The following MYT1L variants were observed in gnomAD, a reference collection of about 807,000 sequenced individuals.
MYT1L encodes myelin transcription factor 1-like protein.
A neutral mutation model predicts 126.7 loss-of-function variants in MYT1L; 12 were observed. The ratio of observed to expected loss-of-function variants is 0.09; its 90% CI spans 0.06 to 0.15. The LOEUF is 0.15. Ranked by LOEUF, MYT1L falls within the 10% of genes least tolerant of loss-of-function variation. The pLI is 1.00. For synonymous variants in MYT1L, 541 were observed against 604.2 expected, an observed-to-expected ratio of 0.90 and a Z score of 1.53; for missense variants, 979 against 1,585.2, an observed-to-expected ratio of 0.62 and a Z score of 6.49.
intron 2 of MYT1L, among the ~76,000 whole-genome samples, chr2:2,277,250 G>A (rs549061182): frequency 2.6e-5 from 4 of 152,124 alleles, no homozygotes; most frequent in Admixed American, 6.5e-5. Flanking sequence ...GATTACAGGC[G>A]TGAGCCACCT....
chr2:1,901,902 C>T (rs956273929), intron 14 of MYT1L, among the ~76,000 whole-genome samples: 5 of 152,150 alleles, frequency 3.3e-5, no homozygotes, highest in Non-Finnish European at 5.9e-5. Context: ...CCAAGTGATC[C>T]GCCTGCCTCA....
chr2:2,327,428 C>A (rs1452311754), intron 1 of MYT1L, among the ~76,000 whole-genome samples: 5 of 152,102 alleles, frequency 3.3e-5, no homozygotes, highest in Non-Finnish European at 1.5e-5. Flanking sequence ...AGTTTATCCT[C>A]AGTTACTCCT....
At chr2:2,139,476 T>C (rs942166874) in intron 3 of MYT1L, among the ~76,000 whole-genome samples, 1 of 151,346 alleles carries the variant, frequency 6.6e-6, no homozygotes, top group East Asian at 1.9e-4. Context: ...AATATATGTA[T>C]ATATATACAA....
At chr2:2,264,811 C>A (rs2095080911) in intron 2 of MYT1L, among the ~76,000 whole-genome samples, 2 of 152,270 alleles carry the variant, frequency 1.3e-5, no homozygotes, top group African/African-American at 4.8e-5. Flanking sequence ...AATTATGCAA[C>A]AGGAAAACCC....
Position 1,979,260 on chromosome 2 carries a change from G to A in MYT1L, c.90-33C>T, listed in dbSNP as rs143458520. 7.8e-5 allele frequency: 124 copies of A among 1,586,104 alleles called. No individual in the cohort carries two copies. Among genetic ancestry groups the A allele is most frequent in the African/African-American group, 6.4e-4 (48 of 74,448 alleles). The stretch of plus-strand genomic sequence containing the variant: ...AGGAAAGAATGGATTACACGGTGCC[G>A]CAGGCAGGCAGGTGAGACGGAAAGC... On this transcript the variant is annotated intron_variant, in intron 7 of 24. Coordinates refer to ENST00000647738, the MANE Select transcript of MYT1L (RefSeq NM_001303052.2). The surrounding 1 kb of genome is among the most constrained non-coding windows in gnomAD (Gnocchi z 4.0).
chr2:2,226,169 C>A (rs2094003245), intron 2 of MYT1L, among the ~76,000 whole-genome samples: 1 of 152,158 alleles, frequency 6.6e-6, no homozygotes, highest in African/African-American at 2.4e-5. Context: ...TTCAGGCTTG[C>A]TGCACCCCAA....
At chr2:1,810,273 G>A (rs2036393273) in intron 21 of MYT1L, among the ~76,000 whole-genome samples, 1 of 151,874 alleles carries the variant, frequency 6.6e-6, no homozygotes, top group African/African-American at 2.4e-5. Flanking sequence ...TATAGCCTCT[G>A]GGATTACAGG....
At chr2:2,111,286 C>T (rs1045242753) in intron 3 of MYT1L, among the ~76,000 whole-genome samples, 10 of 152,172 alleles carry the variant, frequency 6.6e-5, no homozygotes, top group Non-Finnish European at 1.3e-4. Context: ...TTGGCATCCC[C>T]GCCTGGTGTC....
intron 5 of MYT1L, among the ~76,000 whole-genome samples, chr2:1,991,402 G>A (rs13032073): frequency 0.032 from 4,841 of 152,130 alleles, 86 homozygotes; most frequent in Non-Finnish European, 0.042. Context: ...GACCCAAGTG[G>A]CCTTTCCCCT....
intron 2 of MYT1L, among the ~76,000 whole-genome samples, chr2:2,187,614 T>C (rs1443130077): frequency 6.6e-6 from 1 of 151,678 alleles, no homozygotes; most frequent in East Asian, 2.0e-4. Context: ...TAAAAAATAA[T>C]TTTAGAAGGG....
intron 3 of MYT1L, among the ~76,000 whole-genome samples, chr2:2,066,365 C>T (rs1311402659): frequency 2.6e-5 from 4 of 152,214 alleles, no homozygotes; most frequent in Non-Finnish European, 5.9e-5. Flanking sequence ...GCATCTCAGT[C>T]TTCAGGAACA....
chr2:2,306,302 A>G (rs1344708053), intron 1 of MYT1L: 4 of 152,202 alleles, frequency 2.6e-5, no homozygotes, highest in African/African-American at 9.6e-5. Context: ...TGAACTCAAG[A>G]GGCAGATGCA....
rs1401113583 is a variant in MYT1L, at chr2:1,912,155, G to A, written c.1619-45C>T. On this transcript the variant is annotated intron_variant, in intron 11 of 24. Transcript: ENST00000647738. The surrounding 1 kb of genome is among the most constrained non-coding windows in gnomAD (Gnocchi z 4.3). ...GAGAACAGCCAGTGTTAAAACAGAG[G>A]CACGGTTAGGGCACATGAAAATGCA... 2.2e-6 allele frequency: 3 copies of A among 1,381,478 alleles called. No individual in the cohort carries two copies. Among genetic ancestry groups the A allele is most frequent in the Non-Finnish European group, 3.0e-6 (3 of 996,682 alleles). The allele number at this position is 1,381,478 out of a possible 1,614,324, so 85.6% of individuals were successfully genotyped here.
chr2:2,305,314 A>T (rs1475238204), intron 1 of MYT1L, among the ~76,000 whole-genome samples: 2 of 152,214 alleles, frequency 1.3e-5, no homozygotes, highest in East Asian at 3.8e-4. Context: ...CAAGGTGATT[A>T]TATTCATTCC....
rs903613608 is a variant in MYT1L at position 1,929,925 on chromosome 2, G to A, written c.506-6662C>T. Among the ~76,000 whole-genome samples, 2 of 152,140 alleles carry A rather than the reference G, an allele frequency of 1.3e-5. No homozygotes were observed. Among genetic ancestry groups the A allele is most frequent in the African/African-American group, 2.4e-5 (1 of 41,406 alleles). On this transcript the variant is annotated intron_variant, in intron 9 of 24. Transcript: ENST00000647738. The surrounding 1 kb of genome is among the most constrained non-coding windows in gnomAD (Gnocchi z 4.7). ...TACCTTTCAAAACCGGGACATATTC[G>A]GAGGGTCACAACGCAGTGTCATCTC...
intron 1 of MYT1L, among the ~76,000 whole-genome samples, chr2:2,303,125 T>C (rs909118628): frequency 5.3e-5 from 8 of 152,212 alleles, no homozygotes; most frequent in East Asian, 1.9e-4. Context: ...AGATACTCTT[T>C]ATGTTTCACA....
chr2:1,874,966 C>T (rs918066079), intron 18 of MYT1L, among the ~76,000 whole-genome samples: 3 of 152,234 alleles, frequency 2.0e-5, no homozygotes, highest in Non-Finnish European at 4.4e-5. Context: ...GCTGGCCCAT[C>T]CGTGGTCCTC....
At chr2:2,048,309 T>C (rs1158752271) in intron 4 of MYT1L, among the ~76,000 whole-genome samples, 1 of 152,184 alleles carries the variant, frequency 6.6e-6, no homozygotes. Flanking sequence ...TCCTGAGATT[T>C]ATGTGAATTT....
intron 4 of MYT1L, among the ~76,000 whole-genome samples, chr2:2,012,035 GAT>G (rs2063877888): frequency 6.6e-6 from 1 of 152,194 alleles, no homozygotes; most frequent in South Asian, 2.1e-4. Context: ...CTCCTGAACG[GAT>G]TCACCAGAGT....
Sources: gnomAD v4.1 joint callset for allele counts (sites outside exome capture counted in the v4.1 genomes callset) on GRCh38, gnomAD v4.1.1 for gene constraint, Gnocchi (gnomAD v3.1) non-coding constraint, MANE v1.5 for transcripts, NCBI Gene and HGNC (gene_info 2026-07-23, HGNC 2026-07-21) for gene names.